TOM1: variants seen among roughly 807,000 people sequenced by gnomAD.
TOM1 encodes the protein target of myb1 membrane trafficking protein, also known as target of Myb protein 1.
In TOM1, 38 loss-of-function variants were observed where a neutral mutation model predicts 61.3. The observed-to-expected ratio is 0.62, with a 90% CI of 0.48 to 0.81. TOM1 has a LOEUF of 0.81. Ranked by LOEUF, TOM1 falls within the 40% of genes least tolerant of loss-of-function variation. The probability of loss-of-function intolerance (pLI) is 0.00; values close to 1 mark genes in which losing one functional copy is unlikely to be tolerated. For synonymous variants in TOM1, 270 were observed against 268.8 expected (o/e 1.00, Z -0.04); for missense variants, 591 against 659.6 (o/e 0.90, Z 1.14).
chr22:35,345,714 C>T lies in TOM1; in HGVS notation c.1225-11C>T. 6.2e-7 allele frequency: 1 copy of T among 1,614,032 alleles called. No homozygotes were observed. The highest frequency in any genetic ancestry group is 8.5e-7 in the Non-Finnish European group (1 of 1,179,950). ...CTAGGGCACTGCCTTACCCTCTGCC[C>T]TTCCTTCCAGATCCCAGTCACCCAG... is the stretch of plus-strand genomic sequence containing the variant. On this transcript the variant is annotated splice_polypyrimidine_tract_variant and intron_variant, in intron 12 of 14. Coordinates refer to ENST00000449058, the MANE Select transcript of TOM1 (RefSeq NM_005488.3).
rs1481720841 is a variant in TOM1, at chr22:35,331,112, T to TG, written c.899+632_899+633insG. Among the ~76,000 whole-genome samples the TG allele has an allele frequency of 2.7e-5, 4 of 147,280 alleles. No homozygotes were observed. In the East Asian group the frequency reaches 7.8e-4, roughly 29 times the overall value. ...GTCCACCTTTTTTTTTTTTTTTTTT[T>TG]TGAGGCACGATCTTGCTCTGTCACC... On this transcript the variant is annotated intron_variant, in intron 8 of 14. Transcript: ENST00000449058.
At position 35,326,688 on chromosome 22, in the gene TOM1, G is replaced by A. The variant is rs117352134; in HGVS notation, c.649-583G>A. ...TCCCAGTCCTCTAGGAGGAGAGAGA[G>A]AGGACGGAATCCCAGTCCTCTAGGA... is the stretch of plus-strand genomic sequence containing the variant. On this transcript the variant is annotated intron_variant, in intron 6 of 14. Coordinates refer to ENST00000449058, the MANE Select transcript of TOM1 (RefSeq NM_005488.3). 1.1e-3 allele frequency among the ~76,000 whole-genome samples: 172 copies of A among 152,292 alleles called. 6 individuals are homozygous for A. In the East Asian group the frequency reaches 0.03, roughly 27 times the overall value.
chr22:35,346,817 A>G lies in TOM1; in HGVS notation c.1285-113A>G, dbSNP rs140691385. On this transcript the variant is annotated intron_variant, in intron 13 of 14. Coordinates refer to ENST00000449058, the MANE Select transcript of TOM1 (RefSeq NM_005488.3). ...GGGTGGTGGGGGCGTGCAGAGCCTG[A>G]GCTGGGACCCAGTGCTGAGGTTCAG... 3.1e-4 allele frequency: 316 copies of G among 1,020,320 alleles called. 3 individuals carry two copies. The South Asian group carries it at 3.6e-3, about 12-fold the overall frequency. 63.2% of individuals were successfully genotyped at this position (1,020,320 alleles called of 1,614,324 possible).
At chr22:35,300,067 G>A (rs1284141736) in intron 1 of TOM1, 87 bp downstream of exon 1, 1 of 1,455,614 alleles carries the variant, frequency 6.9e-7, no homozygotes. Context: ...GCCTAGTCAC[G>A]GAGGCAGGGA....
At chr22:35,329,168 C>G (rs955688311) in intron 7 of TOM1, among the ~76,000 whole-genome samples, 1 of 152,180 alleles carries the variant, frequency 6.6e-6, no homozygotes, top group African/African-American at 2.4e-5. Flanking sequence ...GTTGGCCAGG[C>G]TGGTCTTGAA....
In TOM1 at chr22:35,326,470, T is replaced by C. The variant is rs116530030; in HGVS notation, c.649-801T>C. ...CCAACTCCTTGGAACCCTTTGACCA[T>C]TGAAAACCTGCCCACATCCCTTGGA... On this transcript the variant is annotated intron_variant, in intron 6 of 14. Coordinates refer to ENST00000449058, the MANE Select transcript of TOM1 (RefSeq NM_005488.3). Among the ~76,000 whole-genome samples the C allele has an allele frequency of 2.2e-3, 330 of 152,334 alleles. 3 individuals carry two copies. Among genetic ancestry groups the C allele is most frequent in the African/African-American group, 7.7e-3 (321 of 41,578 alleles).
At chr22:35,313,495 C>G (rs1393203034) in intron 1 of TOM1, among the ~76,000 whole-genome samples, 1 of 152,208 alleles carries the variant, frequency 6.6e-6, no homozygotes, top group Admixed American at 6.5e-5. Context: ...CTAGCCTTTC[C>G]TGATGTCATA....
chr22:35,315,424 C>G (rs1379246099), intron 1 of TOM1, among the ~76,000 whole-genome samples: 1 of 152,194 alleles, frequency 6.6e-6, no homozygotes, highest in Non-Finnish European at 1.5e-5. Flanking sequence ...GGGCACGGCC[C>G]TCTGCTCAGA....
At chr22:35,318,041 C>G (rs1461768036) in intron 2 of TOM1, 80 bp downstream of exon 2, 2 of 1,297,198 alleles carry the variant, frequency 1.5e-6, no homozygotes, top group South Asian at 2.4e-5. Flanking sequence ...TTCCAGGGAG[C>G]CCCTGCCCCA....
intron 2 of TOM1, 188 bp from the exon 3 acceptor site, chr22:35,321,771 C>A (rs1285813067): frequency 1.4e-6 from 1 of 711,962 alleles, no homozygotes; most frequent in South Asian, 1.5e-5. Flanking sequence ...CCAGGGGCCA[C>A]AGGTTGTGAG....
chr22:35,333,267 T>C, intron 9 of TOM1, 137 bp from the exon 10 acceptor site: 2 of 874,648 alleles, frequency 2.3e-6, no homozygotes, highest in Non-Finnish European at 3.6e-6. Context: ...AGGAAGGAAA[T>C]TCCCTGATGC....
chr22:35,333,356 C>G (rs1426561559), intron 9 of TOM1, 48 bp from the exon 10 acceptor site: 1 of 1,560,330 alleles, frequency 6.4e-7, no homozygotes, highest in Non-Finnish European at 8.8e-7. Context: ...CAGAAAGGAA[C>G]GAAGCTGCAG....
intron 11 of TOM1, chr22:35,336,801 C>G (rs935642408): frequency 2.0e-5 from 3 of 152,342 alleles, no homozygotes; most frequent in Admixed American, 6.5e-5. Flanking sequence ...GGGTCACCAC[C>G]CAGTGCAGGA....
chr22:35,347,089 C>T lies in TOM1; in HGVS notation c.1359C>T (p.Ala453=), dbSNP rs374004180. The T allele has an allele frequency of 6.4e-5, 103 of 1,613,484 alleles. No homozygotes were observed. Among genetic ancestry groups the T allele is most frequent in the Admixed American group, 2.2e-4 (13 of 59,930 alleles). Residue 453 remains alanine, a synonymous_variant, in exon 15 of 15, where the codon GCC becomes GCT. Transcript: ENST00000449058. ...FDKFLEERAK[A]ADRLPNLSSP... ...AATTCCTGGAAGAACGGGCCAAAGC[C>T]GCGGACCGATTGCCCAACCTCTCCA...
intron 10 of TOM1, 108 bp from the exon 11 acceptor site, chr22:35,334,220 G>A (rs527275590): frequency 4.7e-5 from 69 of 1,458,646 alleles, no homozygotes; most frequent in African/African-American, 4.1e-4. Flanking sequence ...CCACCCACAC[G>A]TGCCACTTCC....
At chr22:35,299,617 G>C (rs1310503002), upstream of TOM1, 7 of 403,322 alleles carry the variant, frequency 1.7e-5, no homozygotes, top group Admixed American at 2.9e-4. Flanking sequence ...AATGTGTAAA[G>C]GGTCCTTTAG....
chr22:35,340,698 G>C (rs1929800322), intron 12 of TOM1, among the ~76,000 whole-genome samples: 1 of 152,138 alleles, frequency 6.6e-6, no homozygotes. Context: ...GGTGAGCTGA[G>C]ATTGCACTAC....
intron 11 of TOM1, 86 bp from the exon 12 acceptor site, chr22:35,338,627 G>T: frequency 8.9e-7 from 1 of 1,123,286 alleles, no homozygotes. Context: ...GATGGGAGCC[G>T]TCAATCTGTG....
chr22:35,302,799 C>T (rs1925957683), intron 1 of TOM1, among the ~76,000 whole-genome samples: 1 of 152,136 alleles, frequency 6.6e-6, no homozygotes, highest in African/African-American at 2.4e-5. Flanking sequence ...AAATTTAAAC[C>T]AAAGCTGAAG....
Sources: gnomAD v4.1 joint callset for allele counts (sites outside exome capture counted in the v4.1 genomes callset) on GRCh38, gnomAD v4.1.1 for gene constraint, MANE v1.5 for transcripts, NCBI Gene and HGNC (gene_info 2026-07-23, HGNC 2026-07-21) for gene names.